The following FUT8 variants were observed in gnomAD, a reference collection of about 807,000 sequenced individuals.
FUT8 encodes the protein fucosyltransferase 8.
FUT8 carries 29 observed loss-of-function variants against 71.3 expected under a neutral mutation model. The ratio of observed to expected loss-of-function variants is 0.41; its 90% CI spans 0.30 to 0.55. The LOEUF (loss-of-function observed/expected upper bound fraction) is 0.55. Among genes scored for constraint, FUT8 ranks in the 20% least tolerant of loss-of-function variants. The pLI, the probability that FUT8 is intolerant of heterozygous loss-of-function variation, is 0.34. For synonymous variants in FUT8, 254 were observed against 239.3 expected (o/e 1.06, Z -0.57); for missense variants, 544 against 702.1 (o/e 0.77, Z 2.55).
In FUT8 at chr14:65,669,530, A is replaced by G; in HGVS notation, c.835+50A>G. 7.8e-7 allele frequency: 1 copy of G among 1,284,030 alleles called. No individual in the cohort carries two copies. The highest frequency in any genetic ancestry group is 1.1e-6 in the Non-Finnish European group (1 of 884,538). 79.5% of individuals were successfully genotyped at this position (1,284,030 alleles called of 1,614,324 possible). On this transcript the variant is annotated intron_variant, in intron 7 of 10. Transcript: ENST00000673929. This position sits in a 1 kb window ranked among gnomAD's most constrained non-coding sequence, Gnocchi z 4.5. ...GATCTCTGGGCTGTTTCACTCAATT[A>G]CCAGATTATTAGATTTCTAGGTAGA...
intron 6 of FUT8, among the ~76,000 whole-genome samples, chr14:65,639,645 G>A (rs562714307): frequency 6.6e-6 from 1 of 151,782 alleles, no homozygotes; most frequent in South Asian, 2.1e-4. Context: ...GTTTTCCTAT[G>A]GGCTCCTTCG....
intron 2 of FUT8, among the ~76,000 whole-genome samples, chr14:65,470,808 C>G (rs1416972058): frequency 6.6e-6 from 1 of 151,998 alleles, no homozygotes; most frequent in African/African-American, 2.4e-5. Context: ...CTTCCTGCCT[C>G]AGGCCCCTGA....
At chr14:65,641,210 G>T (rs1594849855) in intron 6 of FUT8, among the ~76,000 whole-genome samples, 1 of 152,078 alleles carries the variant, frequency 6.6e-6, no homozygotes, top group African/African-American at 2.4e-5. Context: ...ACTCAGATCT[G>T]CTTTCTATCA....
the FUT8 span, among the ~76,000 whole-genome samples, chr14:65,379,792 G>A: frequency 6.6e-6 from 1 of 152,190 alleles, no homozygotes; most frequent in Non-Finnish European, 1.5e-5. Flanking sequence ...GTAGGGGCTG[G>A]GAAGTCCAAG....
At chr14:65,474,391 T>C (rs1275682125) in intron 2 of FUT8, among the ~76,000 whole-genome samples, 1 of 134,706 alleles carries the variant, frequency 7.4e-6, no homozygotes, top group Non-Finnish European at 1.6e-5. Context: ...TCACTTGAGG[T>C]CAGGAGTTCG....
At chr14:65,577,732 G>C (rs946314418) in intron 3 of FUT8, among the ~76,000 whole-genome samples, 1 of 152,020 alleles carries the variant, frequency 6.6e-6, no homozygotes, top group African/African-American at 2.4e-5. Flanking sequence ...TTTGGGTCTA[G>C]GATCTACAAT....
intron 2 of FUT8, among the ~76,000 whole-genome samples, chr14:65,468,700 T>G (rs2066086727): frequency 6.6e-6 from 1 of 152,148 alleles, no homozygotes; most frequent in South Asian, 2.1e-4. Flanking sequence ...CTTCCAGGTT[T>G]GGTGTTTCTT....
At chr14:65,601,836 G>A (rs768387821) in intron 3 of FUT8, among the ~76,000 whole-genome samples, 15 of 151,976 alleles carry the variant, frequency 9.9e-5, no homozygotes, top group Non-Finnish European at 2.2e-4. Flanking sequence ...AAATATATAT[G>A]TAAAGCTCAG....
At chr14:65,532,248 A>G (rs900467481) in intron 2 of FUT8, among the ~76,000 whole-genome samples, 2 of 152,214 alleles carry the variant, frequency 1.3e-5, no homozygotes, top group Admixed American at 6.5e-5. Flanking sequence ...AACAGTGTGT[A>G]AGCATTCTCT....
intron 6 of FUT8, among the ~76,000 whole-genome samples, chr14:65,634,303 T>G (rs1400223161): frequency 6.6e-6 from 1 of 152,094 alleles, no homozygotes; most frequent in African/African-American, 2.4e-5. Context: ...CTGTGTCCAC[T>G]CAGCGTTAAA....
chr14:65,615,504 A>T (rs1360404333), intron 3 of FUT8, among the ~76,000 whole-genome samples: 1 of 152,230 alleles, frequency 6.6e-6, no homozygotes, highest in East Asian at 1.9e-4. Flanking sequence ...TGAAAGACAG[A>T]TTTACATAGT....
rs570315761 is a variant in FUT8, at chr14:65,636,209, G to A, written c.597+6603G>A. Among the ~76,000 whole-genome samples the A allele has an allele frequency of 8.5e-5, 13 of 152,050 alleles. No individual in the cohort carries two copies. In the South Asian group the frequency reaches 2.7e-3, roughly 32 times the overall value. Reference sequence around the variant, plus strand: ...TATCTCCTGTTTTGTTTCTTATTGAGGTTATTTGGATTTTTTCTCTTCTTT... The same window carrying A: ...TATCTCCTGTTTTGTTTCTTATTGAAGTTATTTGGATTTTTTCTCTTCTTT... On this transcript the variant is annotated intron_variant, in intron 6 of 10. Transcript: ENST00000673929.
chr14:65,582,564 G>T lies in FUT8; in HGVS notation c.203+20798G>T, dbSNP rs569765960. 2.0e-5 allele frequency among the ~76,000 whole-genome samples: 3 copies of T among 152,198 alleles called. No homozygotes were observed. In the East Asian group the frequency reaches 5.8e-4, roughly 29 times the overall value. On this transcript the variant is annotated intron_variant, in intron 3 of 10. Coordinates refer to ENST00000673929, the MANE Select transcript of FUT8 (RefSeq NM_001371533.1). The stretch of plus-strand genomic sequence containing the variant: ...TGGTTCTTTAAAATTCAACCTAAGC[G>T]TGTCTTCTTCTGAGAATCCTTTCTT...
intron 2 of FUT8, among the ~76,000 whole-genome samples, chr14:65,477,725 T>C (rs1032760004): frequency 3.9e-5 from 6 of 152,178 alleles, no homozygotes; most frequent in Admixed American, 1.3e-4. Context: ...GAGCAAATCA[T>C]ATAGCAAGAG....
At chr14:65,429,638 G>C (rs1048360100) in intron 1 of FUT8, among the ~76,000 whole-genome samples, 1 of 152,012 alleles carries the variant, frequency 6.6e-6, no homozygotes, top group African/African-American at 2.4e-5. Flanking sequence ...TGAGATGGGA[G>C]GATTGCTTGA....
intron 2 of FUT8, among the ~76,000 whole-genome samples, chr14:65,494,101 G>A (rs544889214): frequency 1.5e-4 from 23 of 152,164 alleles, no homozygotes; most frequent in Admixed American, 1.4e-3. Context: ...TTATAGTCCA[G>A]TGCTGTCCAA....
chr14:65,460,822 A>G (rs946911620), intron 2 of FUT8, among the ~76,000 whole-genome samples: 1 of 152,226 alleles, frequency 6.6e-6, no homozygotes, highest in African/African-American at 2.4e-5. Flanking sequence ...AGGTATCATG[A>G]TAAAACAGTT....
chr14:65,378,078 C>T, the FUT8 span, among the ~76,000 whole-genome samples: 353 of 152,290 alleles, frequency 2.3e-3, 1 homozygote, highest in African/African-American at 7.5e-3. Context: ...TCAGCTGTTA[C>T]TTATTATTTA....
the FUT8 span, among the ~76,000 whole-genome samples, chr14:65,385,230 C>T: frequency 6.6e-6 from 1 of 152,088 alleles, no homozygotes; most frequent in East Asian, 1.9e-4. Context: ...AGCTCCTTAA[C>T]AGTTTGTTGG....
Sources: allele counts gnomAD v4.1 joint callset (sites outside exome capture counted in the v4.1 genomes callset), GRCh38; gene constraint gnomAD v4.1.1; non-coding constraint Gnocchi (gnomAD v3.1); transcripts MANE v1.5; gene names NCBI Gene and HGNC (gene_info 2026-07-23, HGNC 2026-07-21).